VPS13C: variants seen among roughly 807,000 people sequenced by gnomAD.
VPS13C encodes the protein intermembrane lipid transfer protein VPS13C.
Under a neutral mutation model 456.8 loss-of-function variants are expected in VPS13C, and 358 were observed. The observed-to-expected ratio is 0.78, with a 90% CI of 0.72 to 0.86. The LOEUF (loss-of-function observed/expected upper bound fraction) is 0.86. Among genes scored for constraint, VPS13C ranks in the 40% least tolerant of loss-of-function variants. VPS13C has a pLI of 0.00. For synonymous variants in VPS13C, 1,578 were observed against 1,486.7 expected, an observed-to-expected ratio of 1.06 and a Z score of -1.41; for missense variants, 4,818 against 4,385.4, an observed-to-expected ratio of 1.10 and a Z score of -2.79.
Position 62,034,967 on chromosome 15 carries a change from GACA to G in VPS13C, c.270_272del (p.Val91del). On this transcript the variant is annotated inframe_deletion, in exon 4 of 85. Transcript: ENST00000644861. ...CCTAAAATAACATACTTGCTCCAGGGACAACAAGCAGGTATAATCCTTCCAGGG... is the reference window on the plus strand; with the variant it reads ...CCTAAAATAACATACTTGCTCCAGGGACAAGCAGGTATAATCCTTCCAGGG... 1 of 1,589,878 alleles carries G rather than the reference GACA, an allele frequency of 6.3e-7. No homozygotes were observed. The highest frequency in any genetic ancestry group is 8.6e-7 in the Non-Finnish European group (1 of 1,166,852).
chr15:61,869,364 A>G (rs771851150), intron 80 of VPS13C, 136 bp downstream of exon 80: 12 of 976,062 alleles, frequency 1.2e-5, no homozygotes, highest in South Asian at 4.6e-5. Context: ...GAGGCACTCT[A>G]TGTTTTAAAG....
chr15:61,972,508 G>C, intron 27 of VPS13C, 117 bp downstream of exon 27: 1 of 1,042,648 alleles, frequency 9.6e-7, no homozygotes, highest in Non-Finnish European at 1.4e-6. Flanking sequence ...GTGTTGGGCA[G>C]CAGGAAAGAC....
chr15:61,866,863 G>C (rs1442910873), intron 81 of VPS13C: 2 of 975,652 alleles, frequency 2.0e-6, no homozygotes, highest in Non-Finnish European at 2.4e-6. Flanking sequence ...TATGTTAATA[G>C]TTTCATTCTC....
At chr15:61,926,058 C>T (rs568151341) in intron 52 of VPS13C, among the ~76,000 whole-genome samples, 1 of 151,960 alleles carries the variant, frequency 6.6e-6, no homozygotes, top group African/African-American at 2.4e-5. Flanking sequence ...TAGGCTTGTA[C>T]CTGAACTGAA....
rs2043828601 is a variant in VPS13C at position 61,925,815 on chromosome 15, G to A, written c.6517-267C>T. Among the ~76,000 whole-genome samples the A allele has an allele frequency of 2.0e-5, 3 of 152,176 alleles. No homozygotes were observed. In the South Asian group the frequency reaches 6.2e-4, roughly 32 times the overall value. On this transcript the variant is annotated intron_variant, in intron 52 of 84. Transcript: ENST00000644861. ...CCTTAAGTAATAAAGCAGATTTACT[G>A]TTTAAAATGTTTCTTTCTGCTAAAA...
intron 37 of VPS13C, among the ~76,000 whole-genome samples, chr15:61,958,372 C>A (rs1224851201): frequency 4.6e-5 from 7 of 151,996 alleles, no homozygotes; most frequent in Non-Finnish European, 2.9e-5. Flanking sequence ...TTCTTTATGG[C>A]CTCCTCTCAA....
chr15:61,894,511 A>C (rs1038622890), intron 66 of VPS13C, among the ~76,000 whole-genome samples: 1 of 152,172 alleles, frequency 6.6e-6, no homozygotes, highest in African/African-American at 2.4e-5. Flanking sequence ...AGGCATACAT[A>C]GGGTGAACGT....
intron 12 of VPS13C, among the ~76,000 whole-genome samples, chr15:62,011,516 G>C (rs1376727485): frequency 1.3e-5 from 2 of 151,864 alleles, no homozygotes; most frequent in Non-Finnish European, 2.9e-5. Context: ...GGAACAACGT[G>C]AGTATGAAAG....
rs1362523051 is a variant in VPS13C at position 61,858,954 on chromosome 15, T to A, written c.10953-2545A>T. ...AGTATAACATCCAAACCGCCAAGGA[T>A]CTTTTAAAACTACAAGCCTCATCAT... On this transcript the variant is annotated intron_variant, in intron 82 of 84. Coordinates refer to ENST00000644861, the MANE Select transcript of VPS13C (RefSeq NM_020821.3). This position sits in a 1 kb window ranked among gnomAD's most constrained non-coding sequence, Gnocchi z 4.4. Among the ~76,000 whole-genome samples, 1 of 152,218 alleles carries A rather than the reference T, an allele frequency of 6.6e-6. No individual in the cohort carries two copies. The highest frequency in any genetic ancestry group is 6.5e-5 in the Admixed American group (1 of 15,276).
At chr15:62,028,539 A>T in intron 5 of VPS13C, 119 bp from the exon 6 acceptor site, 1 of 1,029,276 alleles carries the variant, frequency 9.7e-7, no homozygotes, top group Non-Finnish European at 1.4e-6. Context: ...TAACAGGGTA[A>T]TTAAAATTTG....
intron 27 of VPS13C, among the ~76,000 whole-genome samples, chr15:61,971,416 C>G (rs566308961): frequency 6.6e-6 from 1 of 152,256 alleles, no homozygotes; most frequent in Admixed American, 6.5e-5. Flanking sequence ...TGCCCACCAC[C>G]ACGCCTAGCT....
intron 66 of VPS13C, among the ~76,000 whole-genome samples, chr15:61,893,818 T>C (rs563876100): frequency 3.9e-5 from 6 of 152,174 alleles, no homozygotes; most frequent in Non-Finnish European, 8.8e-5. Context: ...CAAAGTTAAG[T>C]TGTCATTTGT....
At chr15:61,920,352 A>C in intron 56 of VPS13C, 21 bp from the exon 57 acceptor site, 1 of 1,546,428 alleles carries the variant, frequency 6.5e-7, no homozygotes, top group Non-Finnish European at 8.7e-7. Context: ...ACATATCATC[A>C]CAGTAAAATT....
chr15:61,909,139 A>C lies in VPS13C; in HGVS notation c.8845-14T>G. Reference sequence around the variant, plus strand: ...GATACCCCCATTCTATTGTAGAAAAAAAAAAAGTATGTTTGATGTACTGGT... The same window carrying C: ...GATACCCCCATTCTATTGTAGAAAACAAAAAAGTATGTTTGATGTACTGGT... On this transcript the variant is annotated splice_polypyrimidine_tract_variant and intron_variant, in intron 64 of 84. Coordinates refer to ENST00000644861, the MANE Select transcript of VPS13C (RefSeq NM_020821.3). 1 of 1,612,818 alleles carries C rather than the reference A, an allele frequency of 6.2e-7. No individual in the cohort carries two copies. The highest frequency in any genetic ancestry group is 8.5e-7 in the Non-Finnish European group (1 of 1,179,660).
chr15:61,949,108 T>C (rs563501872), intron 42 of VPS13C, among the ~76,000 whole-genome samples: 2 of 152,346 alleles, frequency 1.3e-5, no homozygotes, highest in Admixed American at 1.3e-4. Context: ...TGTGACCTTG[T>C]ATGACTGAAT....
intron 61 of VPS13C, among the ~76,000 whole-genome samples, chr15:61,914,775 G>C (rs1369197182): frequency 6.7e-6 from 1 of 149,448 alleles, no homozygotes; most frequent in East Asian, 2.0e-4. Context: ...TGGCCAGGCT[G>C]GTCTCAAACT....
At position 61,869,549 on chromosome 15, in the gene VPS13C, T is replaced by G; in HGVS notation, c.10699A>C (p.Thr3567Pro). The G allele has an allele frequency of 1.2e-6, 2 of 1,614,176 alleles. No homozygotes were observed. The highest frequency in any genetic ancestry group is 1.7e-6 in the Non-Finnish European group (2 of 1,180,016). The change falls in exon 80 of 85, where the codon ACT (threonine) becomes CCT (proline). Residue 3567 changes from threonine (T) to proline (P), a missense_variant. Physicochemically the swap from Thr to Pro is conservative, Grantham distance 38 (BLOSUM62 -1). Transcript: ENST00000644861. ...CTGGCCATATCTACGATTCCACCAG[T>G]TGGACGGGCCACAGCACCCACAAGC... ...KGLVGAVARPTGGIVDMASST... is the reference protein window; with the variant it reads ...KGLVGAVARPPGGIVDMASST...
At chr15:61,896,569 G>A (rs1339755210) in intron 66 of VPS13C, among the ~76,000 whole-genome samples, 2 of 152,240 alleles carry the variant, frequency 1.3e-5, no homozygotes, top group Non-Finnish European at 2.9e-5. Context: ...CGCACCACGA[G>A]ATTATATCCC....
At chr15:61,884,324 AC>A in intron 67 of VPS13C, 55 bp from the exon 68 acceptor site, 4 of 1,517,560 alleles carry the variant, frequency 2.6e-6, no homozygotes, top group Non-Finnish European at 3.6e-6. Context: ...GGTCTGTGGA[AC>A]TTTATTCAAC....
Sources: allele counts gnomAD v4.1 joint callset (sites outside exome capture counted in the v4.1 genomes callset), GRCh38; gene constraint gnomAD v4.1.1; non-coding constraint Gnocchi (gnomAD v3.1); transcripts MANE v1.5; gene names NCBI Gene and HGNC (gene_info 2026-07-23, HGNC 2026-07-21).